SLC49A3: variants seen among roughly 807,000 people sequenced by gnomAD.
SLC49A3 encodes solute carrier family 49 member A3.
A neutral mutation model predicts 43.8 loss-of-function variants in SLC49A3; 50 were observed. The ratio of observed to expected loss-of-function variants is 1.14; its 90% confidence interval spans 0.91 to 1.45. The LOEUF (loss-of-function observed/expected upper bound fraction) is 1.45, where lower values mean the gene tolerates loss of function less well. SLC49A3 is among the 40% of genes most tolerant of loss of function. The pLI is 0.00. For missense variants in SLC49A3, 906 were observed against 774.1 expected (o/e 1.17, Z -2.02); for synonymous variants, 413 against 352.0 (o/e 1.17, Z -1.94).
rs1577355234 is a variant in SLC49A3, at chr4:683,873, C to T, written c.841-112G>A. Reference sequence around the variant, plus strand: ...CCGTGTGCTGTGCCCAAGGCCCAGGCATAGCAACACAGCTTCCAGACGCAC... The same window carrying T: ...CCGTGTGCTGTGCCCAAGGCCCAGGTATAGCAACACAGCTTCCAGACGCAC... On this transcript the variant is annotated intron_variant, in intron 6 of 9. Coordinates refer to ENST00000322224, the MANE Select transcript of SLC49A3 (RefSeq NM_032219.4). 38 of 1,315,616 alleles carry T rather than the reference C, an allele frequency of 2.9e-5. No individual in the cohort carries two copies. In the South Asian group the frequency reaches 4.0e-4, roughly 14 times the overall value. The allele number at this position is 1,315,616 out of a possible 1,614,324, so 81.5% of individuals were successfully genotyped here.
intron 6 of SLC49A3, 43 bp from the exon 7 acceptor site, chr4:683,804 T>C: frequency 6.5e-7 from 1 of 1,532,164 alleles, no homozygotes; most frequent in Non-Finnish European, 8.8e-7. Flanking sequence ...GAGGCCACCA[T>C]TATCCTAGGT....
chr4:684,153 G>A (rs1475878134), intron 6 of SLC49A3, among the ~76,000 whole-genome samples: 1 of 152,242 alleles, frequency 6.6e-6, no homozygotes, highest in African/African-American at 2.4e-5. Flanking sequence ...ATACCAGAAG[G>A]TGGCGCTGTC....
chr4:689,123 G>A lies in SLC49A3; in HGVS notation c.5C>T (p.Ala2Val), dbSNP rs749785596. Residue 2 changes from alanine to valine, a missense_variant, in exon 1 of 10, where the codon GCG becomes GTG. By Grantham distance (64) the Ala-to-Val change is moderately conservative (BLOSUM62 0). Coordinates refer to ENST00000322224, the MANE Select transcript of SLC49A3 (RefSeq NM_032219.4). M[A>V]GPTEAETGLA... ...CCCCGTCTCGGCCTCCGTCGGCCCC[G>A]CCATCGTCGGCGGCCTCCACGGGTC... The A allele has an allele frequency of 1.4e-5, 20 of 1,384,468 alleles. No individual in the cohort carries two copies. The highest frequency in any genetic ancestry group is 1.7e-5 in the Non-Finnish European group (18 of 1,076,488). The allele number at this position is 1,384,468 out of a possible 1,614,324, so 85.8% of individuals were successfully genotyped here.
intron 1 of SLC49A3, among the ~76,000 whole-genome samples, chr4:688,613 C>T (rs1032626339): frequency 3.3e-5 from 5 of 152,174 alleles, no homozygotes; most frequent in South Asian, 2.1e-4. Flanking sequence ...GAGGGGAGGG[C>T]GGCTCCAAGC....
chr4:679,218 G>T, downstream of SLC49A3: 1 of 714,590 alleles, frequency 1.4e-6, no homozygotes. Flanking sequence ...CTGGCAGAGA[G>T]CATCCCAGGG....
At chr4:682,435 A>T in intron 9 of SLC49A3, 59 bp from the exon 10 acceptor site, 1 of 1,301,054 alleles carries the variant, frequency 7.7e-7, no homozygotes, top group Non-Finnish European at 9.9e-7. Flanking sequence ...AGATGGGCAG[A>T]GCCCAATGCT....
rs776335911 is a variant in SLC49A3 at position 686,480 on chromosome 4, C to A, written c.294+52G>T. 3.8e-5 allele frequency: 61 copies of A among 1,584,712 alleles called. No homozygotes were observed. In the South Asian group the frequency reaches 5.4e-4, roughly 14 times the overall value. The stretch of plus-strand genomic sequence containing the variant: ...AGGCCTTGACTCTCCTACCCAAATG[C>A]GGGGGCCCCTGCACTGTCCCGGAGC... On this transcript the variant is annotated intron_variant, in intron 2 of 9. Coordinates refer to ENST00000322224, the MANE Select transcript of SLC49A3 (RefSeq NM_032219.4).
intron 1 of SLC49A3, 63 bp downstream of exon 1, chr4:688,930 A>G: frequency 6.5e-7 from 1 of 1,535,830 alleles, no homozygotes; most frequent in South Asian, 1.2e-5. Context: ...ACAGGAAAAC[A>G]AAACCCGGCT....
rs1486792610 is a variant in SLC49A3, at chr4:686,573, C to T, written c.253G>A (p.Ala85Thr). 8 of 1,613,074 alleles carry T rather than the reference C, an allele frequency of 5.0e-6. No homozygotes were observed. Among genetic ancestry groups the T allele is most frequent in the Non-Finnish European group, 5.9e-6 (7 of 1,179,946 alleles). ...YLVVSTPFGVAAIWILDSVGL... is the reference protein window; with the variant it reads ...YLVVSTPFGVTAIWILDSVGL... ...ACGGAGTCCAGGATCCAGATGGCCG[C>T]CACGCCAAATGGGGTGGATACCACG... The change falls in exon 2 of 10, where the codon GCG (alanine) becomes ACG (threonine). Residue 85 changes from alanine to threonine, a missense_variant. Coordinates refer to ENST00000322224, the MANE Select transcript of SLC49A3 (RefSeq NM_032219.4).
Position 684,473 on chromosome 4 carries a change from C to T in SLC49A3, c.840+10G>A, listed in dbSNP as rs374625368. On this transcript the variant is annotated intron_variant, in intron 6 of 9. Transcript: ENST00000322224. The stretch of plus-strand genomic sequence containing the variant: ...AGAGGCAGGGTCCCCAGGGGTGGGG[C>T]CAGGCTCACACTGGAGTGGCCGCTT... 55 of 1,612,178 alleles carry T rather than the reference C, an allele frequency of 3.4e-5. No individual in the cohort carries two copies. The highest frequency in any genetic ancestry group is 3.4e-5 in the Non-Finnish European group (40 of 1,179,630).
Position 686,416 on chromosome 4 carries a change from G to A in SLC49A3, c.295-114C>T, listed in dbSNP as rs1741048205. On this transcript the variant is annotated intron_variant, in intron 2 of 9. Transcript: ENST00000322224. The stretch of plus-strand genomic sequence containing the variant: ...GCCGCCACCTCGACGGCTCTGCCGG[G>A]GTCCCCAGCTGTTGGGACTGGTGGG... 10 of 1,564,916 alleles carry A rather than the reference G, an allele frequency of 6.4e-6. No individual in the cohort carries two copies. The South Asian group carries it at 1.1e-4, about 17-fold the overall frequency.
At chr4:679,510 G>C (rs888826948), downstream of SLC49A3, among the ~76,000 whole-genome samples, 1 of 152,230 alleles carries the variant, frequency 6.6e-6, no homozygotes, top group African/African-American at 2.4e-5. Flanking sequence ...GGCACATTCT[G>C]TTCCCAGCAG....
chr4:682,321 G>T lies in SLC49A3; in HGVS notation c.1317C>A (p.Val439=). 7.4e-7 allele frequency: 1 copy of T among 1,348,848 alleles called. No homozygotes were observed. The highest frequency in any genetic ancestry group is 9.6e-7 in the Non-Finnish European group (1 of 1,040,286). The allele number at this position is 1,348,848 out of a possible 1,614,324, so 83.6% of individuals were successfully genotyped here. ...LCTFFSCILA[V]FFHTPYRRLQ... is the part of the protein sequence containing the mutation. Reference sequence around the variant, plus strand: ...GGCGCCGGTATGGGGTGTGGAAGAAGACCGCCAGGATGCAGCTGAAGAAGG... The same window carrying T: ...GGCGCCGGTATGGGGTGTGGAAGAATACCGCCAGGATGCAGCTGAAGAAGG... Residue 439 remains valine (V), a synonymous_variant, in exon 10 of 10, where the codon GTC becomes GTA. Coordinates refer to ENST00000322224, the MANE Select transcript of SLC49A3 (RefSeq NM_032219.4).
chr4:680,454 G>A (rs938233258), downstream of SLC49A3: 2 of 1,575,390 alleles, frequency 1.3e-6, no homozygotes, highest in Non-Finnish European at 1.7e-6. Flanking sequence ...TCTGCCCTTG[G>A]CAGCCACGGG....
rs143986202 is a variant in SLC49A3 at position 686,669 on chromosome 4, C to T, written c.157G>A (p.Val53Met). 6.2e-7 allele frequency: 1 copy of T among 1,612,944 alleles called. No homozygotes were observed. The highest frequency in any genetic ancestry group is 8.5e-7 in the Non-Finnish European group (1 of 1,179,884). The change falls in exon 2 of 10, where the codon GTG (valine) becomes ATG (methionine). Residue 53 changes from valine (V) to methionine (M), a missense_variant. Physicochemically the swap from Val to Met is conservative, Grantham distance 21. Coordinates refer to ENST00000322224, the MANE Select transcript of SLC49A3 (RefSeq NM_032219.4). ...NATLWLSFAPVADVIAEDLVL... is the reference protein window; with the variant it reads ...NATLWLSFAPMADVIAEDLVL... ...AAGTCCTCAGCAATGACGTCAGCCACAGGTGCAAAGCTGAGCCACAGCTGC... is the reference window on the plus strand; with the variant it reads ...AAGTCCTCAGCAATGACGTCAGCCATAGGTGCAAAGCTGAGCCACAGCTGC...
downstream of SLC49A3, chr4:680,846 G>C: frequency 1.6e-6 from 1 of 633,436 alleles, no homozygotes; most frequent in South Asian, 1.9e-5. Flanking sequence ...CCTGCTAGGC[G>C]CCGGGGAAAG....
In SLC49A3 at chr4:682,037, G is replaced by T. The variant is rs762471339; in HGVS notation, c.1601C>A (p.Ala534Glu). The T allele has an allele frequency of 2.1e-6, 3 of 1,426,798 alleles. No homozygotes were observed. The highest frequency in any genetic ancestry group is 3.0e-5 in the African/African-American group (2 of 67,562). The allele number at this position is 1,426,798 out of a possible 1,614,324, so 88.4% of individuals were successfully genotyped here. Residue 534 changes from alanine (A) to glutamate (E), a missense_variant, in exon 10 of 10, where the codon GCA becomes GAA. Transcript: ENST00000322224. Reference protein sequence around the residue: ...TDAPSRPGRLAGRVQASRFID... With the variant: ...TDAPSRPGRLEGRVQASRFID... ...AAACCTGGACGCTTGGACCCTGCCT[G>T]CGAGTCTGCCGGGGCGGGAGGGCGC...
intron 9 of SLC49A3, among the ~76,000 whole-genome samples, 191 bp from the exon 10 acceptor site, chr4:682,567 T>C (rs1477041152): frequency 6.6e-6 from 1 of 152,154 alleles, no homozygotes; most frequent in African/African-American, 2.4e-5. Context: ...GTCACTAGCA[T>C]GGGGTCTGGG....
Position 681,901 on chromosome 4 carries a change from G to A in SLC49A3, c.*57C>T. 7.6e-7 allele frequency: 1 copy of A among 1,316,930 alleles called. No individual in the cohort carries two copies. Among genetic ancestry groups the A allele is most frequent in the South Asian group, 2.8e-5 (1 of 35,252 alleles). 81.6% of individuals were successfully genotyped at this position (1,316,930 alleles called of 1,614,324 possible). A position where few individuals can be genotyped will look rare whatever the true frequency, so the allele number is the denominator to read the frequency against. ...TTCGCCCCCGCCCGCAGGTGGACCA[G>A]ATGTTCCAGTTCGCCTCCATCGATG... is the stretch of plus-strand genomic sequence containing the variant. On this transcript the variant is annotated 3_prime_UTR_variant, in exon 10 of 10. Transcript: ENST00000322224.
Sources: gnomAD v4.1 joint callset for allele counts (sites outside exome capture counted in the v4.1 genomes callset) on GRCh38, gnomAD v4.1.1 for gene constraint, MANE v1.5 for transcripts, NCBI Gene and HGNC (gene_info 2026-07-23, HGNC 2026-07-21) for gene names.